CSNK2A2: variants seen among roughly 807,000 people sequenced by gnomAD.
CSNK2A2 encodes casein kinase II subunit alpha'.
CSNK2A2 carries 8 observed loss-of-function variants against 54.0 expected under a neutral mutation model. That is an observed-to-expected ratio of 0.15 (90% CI 0.09 to 0.27). The LOEUF is 0.27. Ranked by LOEUF, CSNK2A2 falls within the 10% of genes least tolerant of loss-of-function variation. The probability of loss-of-function intolerance (pLI) is 1.00; values close to 1 mark genes in which losing one functional copy is unlikely to be tolerated. For synonymous variants in CSNK2A2, 141 were observed against 153.9 expected, an observed-to-expected ratio of 0.92 and a Z score of 0.62; for missense variants, 242 against 439.4, an observed-to-expected ratio of 0.55 and a Z score of 4.02.
At chr16:58,185,447 T>C (rs1415370222) in intron 3 of CSNK2A2, among the ~76,000 whole-genome samples, 2 of 152,180 alleles carry the variant, frequency 1.3e-5, no homozygotes, top group Non-Finnish European at 2.9e-5. Flanking sequence ...ATGTAAAACA[T>C]ACACATACTT....
chr16:58,186,680 G>C (rs1177352294), intron 3 of CSNK2A2, 75 bp downstream of exon 3: 1 of 995,142 alleles, frequency 1.0e-6, no homozygotes, highest in Non-Finnish European at 1.6e-6. Flanking sequence ...CATTACGTGA[G>C]GTTCTGTGTG....
At chr16:58,195,745 TC>T (rs1330406176) in intron 2 of CSNK2A2, among the ~76,000 whole-genome samples, 7 of 152,224 alleles carry the variant, frequency 4.6e-5, no homozygotes, top group African/African-American at 1.7e-4. Flanking sequence ...CTAATTAAAA[TC>T]ATCTTCATCA....
intron 5 of CSNK2A2, among the ~76,000 whole-genome samples, chr16:58,169,349 G>A (rs1318299495): frequency 2.0e-5 from 3 of 152,052 alleles, no homozygotes; most frequent in African/African-American, 7.2e-5. Flanking sequence ...AGACTAGCCT[G>A]GGCAACACGG....
intron 4 of CSNK2A2, among the ~76,000 whole-genome samples, chr16:58,176,173 T>C (rs1243351375): frequency 6.6e-6 from 1 of 152,198 alleles, no homozygotes; most frequent in Non-Finnish European, 1.5e-5. Context: ...AAATACGCTA[T>C]GAAAGAGAAA....
chr16:58,160,709 A>C (rs1487119069), intron 11 of CSNK2A2: 1 of 152,220 alleles, frequency 6.6e-6, no homozygotes. Context: ...TTATCCCCTC[A>C]AGAAGTTAAT....
At chr16:58,182,404 A>C (rs965924690) in intron 4 of CSNK2A2, among the ~76,000 whole-genome samples, 2 of 139,868 alleles carry the variant, frequency 1.4e-5, no homozygotes, top group Non-Finnish European at 1.6e-5. Flanking sequence ...AAAAAAAAAA[A>C]ACTAGCCAGG....
chr16:58,184,115 G>A (rs1962133521), intron 4 of CSNK2A2, 145 bp downstream of exon 4: 2 of 620,448 alleles, frequency 3.2e-6, no homozygotes, highest in East Asian at 2.8e-5. Context: ...TCTGCATCCT[G>A]CACTCATGCC....
intron 9 of CSNK2A2, among the ~76,000 whole-genome samples, chr16:58,166,337 CT>C (rs1401319052): frequency 6.6e-6 from 1 of 152,136 alleles, no homozygotes; most frequent in Non-Finnish European, 1.5e-5. Flanking sequence ...TACCAGAAAA[CT>C]TTTTTCTATA....
chr16:58,194,221 T>G (rs1038155846), intron 2 of CSNK2A2, among the ~76,000 whole-genome samples: 1 of 152,224 alleles, frequency 6.6e-6, no homozygotes, highest in African/African-American at 2.4e-5. Flanking sequence ...TTCCAAGTTA[T>G]GAGGAGCTGG....
In CSNK2A2 at chr16:58,197,611, C is replaced by A. The variant is rs747826682; in HGVS notation, c.104+22G>T. 6.7e-6 allele frequency: 10 copies of A among 1,499,092 alleles called. No individual in the cohort carries two copies. In the South Asian group the frequency reaches 1.1e-4, roughly 16 times the overall value. The allele number at this position is 1,499,092 out of a possible 1,614,324, so 92.9% of individuals were successfully genotyped here. A position where few individuals can be genotyped will look rare whatever the true frequency, so the allele number is the denominator to read the frequency against. On this transcript the variant is annotated intron_variant, in intron 1 of 11. Transcript: ENST00000262506. This position sits in a 1 kb window ranked among gnomAD's most constrained non-coding sequence, Gnocchi z 4.0. ...CGGGGGCAGGGATCAGCGGGCCCGG[C>A]GGGGGGCGGCGACGGCTTTACCCCC...
intron 5 of CSNK2A2, among the ~76,000 whole-genome samples, chr16:58,173,539 T>C (rs908559267): frequency 3.9e-5 from 6 of 152,216 alleles, no homozygotes; most frequent in African/African-American, 1.4e-4. Flanking sequence ...ACAAACAAAA[T>C]GATCATTCCT....
chr16:58,189,859 T>C (rs1367234616), intron 2 of CSNK2A2, among the ~76,000 whole-genome samples: 1 of 152,218 alleles, frequency 6.6e-6, no homozygotes, highest in East Asian at 1.9e-4. Context: ...CCTCAGTTTA[T>C]TCCTCTGAAC....
chr16:58,179,989 G>A (rs571260591), intron 4 of CSNK2A2, among the ~76,000 whole-genome samples: 2 of 149,424 alleles, frequency 1.3e-5, no homozygotes, highest in South Asian at 4.2e-4. Flanking sequence ...TGAGGCAGGA[G>A]AATCACTTGA....
At chr16:58,192,316 A>G (rs533876521) in intron 2 of CSNK2A2, among the ~76,000 whole-genome samples, 3 of 152,326 alleles carry the variant, frequency 2.0e-5, no homozygotes, top group South Asian at 4.1e-4. Flanking sequence ...TGGGCACACT[A>G]TATCAAGATA....
At chr16:58,165,785 CA>C in intron 9 of CSNK2A2, 77 bp from the exon 10 acceptor site, 1 of 1,463,146 alleles carries the variant, frequency 6.8e-7, no homozygotes, top group South Asian at 1.3e-5. Flanking sequence ...CTAAAGCCAA[CA>C]AAATCTCAGA....
At chr16:58,170,032 C>G (rs931580793) in intron 5 of CSNK2A2, among the ~76,000 whole-genome samples, 1 of 151,222 alleles carries the variant, frequency 6.6e-6, no homozygotes, top group African/African-American at 2.4e-5. Flanking sequence ...GGCAACAAAG[C>G]GGGTCTCAAA....
chr16:58,160,950 G>C (rs1008994377), intron 11 of CSNK2A2: 1 of 152,330 alleles, frequency 6.6e-6, no homozygotes, highest in African/African-American at 2.4e-5. Flanking sequence ...TGAGTGACTG[G>C]TGTTTAAGTG....
intron 5 of CSNK2A2, 57 bp downstream of exon 5, chr16:58,174,394 A>G (rs1049506875): frequency 4.0e-5 from 50 of 1,243,046 alleles, no homozygotes; most frequent in Non-Finnish European, 5.6e-5. Context: ...TCTCTCAAAA[A>G]CTTATCTTTT....
At chr16:58,171,969 ATATATATATATTTTTTTTT>A (rs1961750869) in intron 5 of CSNK2A2, among the ~76,000 whole-genome samples, 2 of 28,350 alleles carry the variant, frequency 7.1e-5, no homozygotes, top group African/African-American at 3.9e-4. Context: ...ATATATATAT[ATATATATATATTTTTTTTT>A]TTTTTTTTTT....
Sources: gnomAD v4.1 joint callset for allele counts (sites outside exome capture counted in the v4.1 genomes callset) on GRCh38, gnomAD v4.1.1 for gene constraint, Gnocchi (gnomAD v3.1) non-coding constraint, MANE v1.5 for transcripts, NCBI Gene and HGNC (gene_info 2026-07-23, HGNC 2026-07-21) for gene names.